Variants in GPC6 observed in about 807,000 individuals in gnomAD.
GPC6 encodes the protein glypican-6.
GPC6 carries 14 observed loss-of-function variants against 55.2 expected under a neutral mutation model. The ratio of observed to expected loss-of-function variants is 0.25; its 90% confidence interval spans 0.17 to 0.40. GPC6 has a LOEUF of 0.40. Among genes scored for constraint, GPC6 ranks in the 10% least tolerant of loss-of-function variants. The pLI is 1.00. For synonymous variants in GPC6, 278 were observed against 259.6 expected, an observed-to-expected ratio of 1.07 and a Z score of -0.68; for missense variants, 641 against 708.5, an observed-to-expected ratio of 0.90 and a Z score of 1.08.
chr13:93,910,828 G>C (rs1056195410), intron 3 of GPC6, among the ~76,000 whole-genome samples: 9 of 152,138 alleles, frequency 5.9e-5, no homozygotes, highest in African/African-American at 2.2e-4. Flanking sequence ...ATATTTATTT[G>C]TTTTCAGGTA....
chr13:93,846,362 A>T (rs1478693803), intron 3 of GPC6, among the ~76,000 whole-genome samples: 2 of 152,218 alleles, frequency 1.3e-5, no homozygotes, highest in Non-Finnish European at 2.9e-5. Flanking sequence ...TATATAAGAA[A>T]CCTAAAGCAG....
chr13:94,279,686 A>T (rs1340679540), intron 4 of GPC6, among the ~76,000 whole-genome samples: 8 of 152,032 alleles, frequency 5.3e-5, no homozygotes, highest in African/African-American at 9.7e-5. Context: ...TTTCTGCCTT[A>T]ATTTCATTAT....
At chr13:94,086,221 A>G (rs1406486316) in intron 4 of GPC6, among the ~76,000 whole-genome samples, 1 of 152,230 alleles carries the variant, frequency 6.6e-6, no homozygotes, top group Non-Finnish European at 1.5e-5. Flanking sequence ...CTCACACTGC[A>G]TGCAGCCAAC....
intron 4 of GPC6, among the ~76,000 whole-genome samples, chr13:94,180,120 G>A (rs1427522102): frequency 6.6e-6 from 1 of 152,008 alleles, no homozygotes; most frequent in East Asian, 1.9e-4. Flanking sequence ...GAGTAGAGAG[G>A]GTACAAGGTA....
chr13:94,349,117 A>G (rs1878417737), intron 6 of GPC6, among the ~76,000 whole-genome samples: 1 of 152,276 alleles, frequency 6.6e-6, no homozygotes. Context: ...GTCACCTACA[A>G]CTTAAAAGCT....
intron 2 of GPC6, among the ~76,000 whole-genome samples, chr13:93,672,463 A>G (rs1039102553): frequency 3.9e-5 from 6 of 151,924 alleles, no homozygotes; most frequent in African/African-American, 1.4e-4. Context: ...AAGTTAAAGT[A>G]TGTTTTTTTG....
intron 2 of GPC6, among the ~76,000 whole-genome samples, chr13:93,646,491 A>C (rs1234470527): frequency 2.0e-5 from 3 of 152,188 alleles, no homozygotes; most frequent in African/African-American, 7.2e-5. Flanking sequence ...TTGGGATGAG[A>C]AAAGGCTAAG....
At chr13:94,256,561 C>T (rs1243603488) in intron 4 of GPC6, among the ~76,000 whole-genome samples, 1 of 152,196 alleles carries the variant, frequency 6.6e-6, no homozygotes, top group Non-Finnish European at 1.5e-5. Flanking sequence ...CCATCTCCAT[C>T]ATCATCATCC....
At chr13:93,262,343 G>C (rs566153297) in intron 1 of GPC6, among the ~76,000 whole-genome samples, 4 of 152,172 alleles carry the variant, frequency 2.6e-5, no homozygotes, top group Admixed American at 2.6e-4. Context: ...ATGGGTGAAA[G>C]TGTGGATCCT....
At chr13:93,792,702 T>C (rs1289042426) in intron 2 of GPC6, among the ~76,000 whole-genome samples, 1 of 152,168 alleles carries the variant, frequency 6.6e-6, no homozygotes, top group Admixed American at 6.5e-5. Context: ...GTTTTCACAC[T>C]TACTTTCAAG....
chr13:93,841,183 A>G (rs1887940905), intron 3 of GPC6, among the ~76,000 whole-genome samples: 1 of 152,190 alleles, frequency 6.6e-6, no homozygotes, highest in African/African-American at 2.4e-5. Context: ...TCAGCGCACT[A>G]TAGAGGTTTA....
intron 4 of GPC6, among the ~76,000 whole-genome samples, chr13:94,209,875 C>G (rs1370626320): frequency 6.6e-6 from 1 of 151,752 alleles, no homozygotes; most frequent in Non-Finnish European, 1.5e-5. Context: ...AGAAGGGGTC[C>G]TGCTCTGTCA....
chr13:93,612,500 AACACACACACAC>A (rs3138575), intron 2 of GPC6, among the ~76,000 whole-genome samples: 14 of 139,296 alleles, frequency 1.0e-4, no homozygotes, highest in Admixed American at 2.9e-4. Flanking sequence ...CTCCGTCTAA[AACACACACACAC>A]ACACACACAC....
chr13:93,507,035 C>T (rs1370001037), intron 1 of GPC6, among the ~76,000 whole-genome samples: 1 of 120,170 alleles, frequency 8.3e-6, no homozygotes, highest in Non-Finnish European at 1.6e-5. Flanking sequence ...GCACTACAGC[C>T]TGGGCGACAG....
intron 2 of GPC6, among the ~76,000 whole-genome samples, chr13:93,634,094 C>G (rs937506937): frequency 1.3e-5 from 2 of 152,154 alleles, no homozygotes; most frequent in African/African-American, 4.8e-5. Context: ...TTCCCTCAAT[C>G]CCATTCGAAG....
chr13:93,423,547 T>G (rs567052977), intron 1 of GPC6, among the ~76,000 whole-genome samples: 2 of 152,158 alleles, frequency 1.3e-5, no homozygotes, highest in Non-Finnish European at 2.9e-5. Context: ...AATTTATTGC[T>G]TTCAGTTGTT....
intron 3 of GPC6, among the ~76,000 whole-genome samples, chr13:93,879,757 T>A (rs191034537): frequency 6.6e-6 from 1 of 151,978 alleles, no homozygotes; most frequent in African/African-American, 2.4e-5. Flanking sequence ...CAAAAGAAAC[T>A]ACCATCAGAG....
At chr13:93,352,244 C>G (rs1208083521) in intron 1 of GPC6, among the ~76,000 whole-genome samples, 1 of 152,078 alleles carries the variant, frequency 6.6e-6, no homozygotes, top group East Asian at 1.9e-4. Flanking sequence ...GCGAATTTCA[C>G]TTTAGTAAAT....
chr13:94,150,329 T>C lies in GPC6; in HGVS notation c.877+122435T>C, dbSNP rs371750700. ...TGATATCCTTTTCCCCCCTTGTCCTTCTAGCCCACTCTTCAATTTGCAGCC... is the reference window on the plus strand; with the variant it reads ...TGATATCCTTTTCCCCCCTTGTCCTCCTAGCCCACTCTTCAATTTGCAGCC... On this transcript the variant is annotated intron_variant, in intron 4 of 8. Transcript: ENST00000377047. 2.2e-4 allele frequency among the ~76,000 whole-genome samples: 34 copies of C among 152,220 alleles called. No individual in the cohort carries two copies. In the South Asian group the frequency reaches 6.8e-3, roughly 31 times the overall value.
Sources: gnomAD v4.1 joint callset for allele counts (sites outside exome capture counted in the v4.1 genomes callset) on GRCh38, gnomAD v4.1.1 for gene constraint, MANE v1.5 for transcripts, NCBI Gene and HGNC (gene_info 2026-07-23, HGNC 2026-07-21) for gene names.